Variants in HR observed in about 807,000 individuals in gnomAD.
The protein encoded by HR is lysine-specific demethylase hairless.
Under a neutral mutation model 128.6 loss-of-function variants are expected in HR, and 83 were observed. The observed-to-expected ratio is 0.65, with a 90% CI of 0.54 to 0.77. HR has a LOEUF of 0.77. Ranked by LOEUF, HR falls within the 30% of genes least tolerant of loss-of-function variation. The pLI is 0.00. For synonymous variants in HR, 681 were observed against 658.2 expected (o/e 1.03, Z -0.53); for missense variants, 1,490 against 1,574.6 (o/e 0.95, Z 0.91).
At chr8:22,117,398 A>C in intron 16 of HR, 1 of 267,456 alleles carries the variant, frequency 3.7e-6, no homozygotes, top group Non-Finnish European at 7.1e-6. Flanking sequence ...GTCCTGCATA[A>C]TCCCAGTTCA....
At chr8:22,117,078 G>A in intron 16 of HR, 39 bp from the exon 17 acceptor site, 1 of 1,457,294 alleles carries the variant, frequency 6.9e-7, no homozygotes, top group Non-Finnish European at 9.0e-7. Context: ...GATGGGGAGG[G>A]AAGGGCAGGG....
At chr8:22,121,822 A>G (rs1826763055) in intron 8 of HR, 128 bp from the exon 9 acceptor site, 4 of 911,060 alleles carry the variant, frequency 4.4e-6, no homozygotes, top group Non-Finnish European at 7.1e-6. Context: ...ATAGGAGCAA[A>G]ATGCCATAGG....
At position 22,127,120 on chromosome 8, in the gene HR, T is replaced by C. The variant is rs1826912842; in HGVS notation, c.1322A>G (p.Gln441Arg). 2 of 1,611,188 alleles carry C rather than the reference T, an allele frequency of 1.2e-6. No individual in the cohort carries two copies. Among genetic ancestry groups the C allele is most frequent in the African/African-American group, 1.3e-5 (1 of 74,866 alleles). ...CACCTCCTGCCAACCCCCAGCCCCCTGTTCTGCAGTGCCTGGAAAAGGGTC... is the reference window on the plus strand; with the variant it reads ...CACCTCCTGCCAACCCCCAGCCCCCCGTTCTGCAGTGCCTGGAAAAGGGTC... ...PPDPFPGTAEQGAGGWQEVRD... is the reference protein window; with the variant it reads ...PPDPFPGTAERGAGGWQEVRD... Residue 441 changes from glutamine to arginine, a missense_variant, in exon 3 of 19, where the codon CAG becomes CGG. Gln to Arg is a conservative substitution (Grantham distance 43). Transcript: ENST00000381418.
At chr8:22,120,533 T>C (rs755280580) in intron 11 of HR, 26 bp from the exon 12 acceptor site, 1 of 1,612,752 alleles carries the variant, frequency 6.2e-7, no homozygotes, top group Non-Finnish European at 8.5e-7. Context: ...AAGGAGGCCA[T>C]GAGGAGAATG....
At position 22,120,099 on chromosome 8, in the gene HR, C is replaced by G. The variant is rs1323297785; in HGVS notation, c.2846+5G>C. On this transcript the variant is annotated splice_donor_5th_base_variant and intron_variant, in intron 13 of 18. Coordinates refer to ENST00000381418, the MANE Select transcript of HR (RefSeq NM_005144.5). ...GGTAGGGCTGGCCCTTGGTGACATA[C>G]ACACCTGCTGGTGTCCTCATCCCCC... 6.3e-7 allele frequency: 1 copy of G among 1,583,602 alleles called. No individual in the cohort carries two copies. Among genetic ancestry groups the G allele is most frequent in the South Asian group, 1.2e-5 (1 of 86,878 alleles).
At position 22,127,187 on chromosome 8, in the gene HR, C is replaced by T. The variant is rs200451373; in HGVS notation, c.1255G>A (p.Val419Ile). 49 of 1,612,976 alleles carry T rather than the reference C, an allele frequency of 3.0e-5. 1 individual carries two copies. In the Admixed American group the frequency reaches 6.7e-4, roughly 22 times the overall value. ...RALKRAGSPE[V>I]QGAMGSPAPK... ...GCTGGACTGCCCATTGCTCCCTGGACCTCGGGGCTGCCTGCCCTTTTGAGG... is the reference window on the plus strand; with the variant it reads ...GCTGGACTGCCCATTGCTCCCTGGATCTCGGGGCTGCCTGCCCTTTTGAGG... Residue 419 changes from valine to isoleucine, a missense_variant, in exon 3 of 19, where the codon GTC (valine) becomes ATC (isoleucine). Val to Ile is a conservative substitution (Grantham distance 29). Around this residue, in one of 3 missense-constraint regions of HR, gnomAD observed 1,060 missense variants for 1,060.9 expected, o/e 1.00. Coordinates refer to ENST00000381418, the MANE Select transcript of HR (RefSeq NM_005144.5).
rs530444427 is a variant in HR at position 22,123,549 on chromosome 8, G to C, written c.1915+100C>G. On this transcript the variant is annotated intron_variant, in intron 6 of 18. Transcript: ENST00000381418. ...TGAGGCTGGGGCTGTGCAGTGGGTA[G>C]GGGGCTTTTTGGGGAGAGGCAGCCA... is the stretch of plus-strand genomic sequence containing the variant. 8.4e-6 allele frequency: 10 copies of C among 1,195,530 alleles called. No homozygotes were observed. The African/African-American group carries it at 1.3e-4, about 16-fold the overall frequency. 74.1% of individuals were successfully genotyped at this position (1,195,530 alleles called of 1,614,324 possible).
At position 22,120,433 on chromosome 8, in the gene HR, T is replaced by C. The variant is rs1826712263; in HGVS notation, c.2685A>G (p.Gly895=). 7 of 1,613,868 alleles carry C rather than the reference T, an allele frequency of 4.3e-6. No individual in the cohort carries two copies. The highest frequency in any genetic ancestry group is 1.7e-5 in the Admixed American group (1 of 60,010). ...LWGTEALGAL[G]GQVQALSPLG... ...GGGGGCTCAGCGCCTGCACCTGGCCTCCAAGTGCCCCAAGAGCTTCTGTCC... is the reference window on the plus strand; with the variant it reads ...GGGGGCTCAGCGCCTGCACCTGGCCCCCAAGTGCCCCAAGAGCTTCTGTCC... Residue 895 remains glycine (G), a synonymous_variant, in exon 12 of 19, where the codon GGA becomes GGG. Transcript: ENST00000381418.
intron 11 of HR, 68 bp from the exon 12 acceptor site, chr8:22,120,575 G>C: frequency 1.9e-6 from 3 of 1,602,082 alleles, no homozygotes; most frequent in Non-Finnish European, 2.5e-6. Flanking sequence ...AGGCAAGGGC[G>C]TGTTGTAAGG....
At position 22,125,237 on chromosome 8, in the gene HR, G is replaced by C. The variant is rs552200117; in HGVS notation, c.1750+74C>G. On this transcript the variant is annotated intron_variant, in intron 5 of 18. Transcript: ENST00000381418. ...CCTTAGGTCTAGGAGCTGGCAGTGTGGGTGGGGTCAGGGGAGGGACACCTG... is the reference window on the plus strand; with the variant it reads ...CCTTAGGTCTAGGAGCTGGCAGTGTCGGTGGGGTCAGGGGAGGGACACCTG... The C allele has an allele frequency of 4.9e-5, 72 of 1,463,558 alleles. No homozygotes were observed. In the African/African-American group the frequency reaches 9.7e-4, roughly 20 times the overall value. The allele number at this position is 1,463,558 out of a possible 1,614,324, so 90.7% of individuals were successfully genotyped here. A position where few individuals can be genotyped will look rare whatever the true frequency, so the allele number is the denominator to read the frequency against.
At chr8:22,117,318 C>T (rs1353908658) in intron 16 of HR, 2 of 444,278 alleles carry the variant, frequency 4.5e-6, no homozygotes, top group Admixed American at 3.9e-5. Context: ...AGGCCTTTAA[C>T]AGCCTCTGTG....
intron 8 of HR, among the ~76,000 whole-genome samples, chr8:22,122,026 G>A (rs1826767372): frequency 6.6e-6 from 1 of 152,094 alleles, no homozygotes. Flanking sequence ...ACAGTGTCTG[G>A]AACCCAAAAT....
Position 22,116,930 on chromosome 8 carries a change from G to T in HR, c.3323C>A (p.Thr1108Asn). Reference sequence around the variant, plus strand: ...GGCCTCTCCGGGGGCCTGGAGCAGGGTCCAGCAGCTCACGCCCCACTCCTC... The same window carrying T: ...GGCCTCTCCGGGGGCCTGGAGCAGGTTCCAGCAGCTCACGCCCCACTCCTC... ...LREEWGVSCW[T>N]LLQAPGEAVL... Residue 1108 changes from threonine (T) to asparagine (N), a missense_variant, in exon 17 of 19, where the codon ACC becomes AAC. Thr to Asn is a moderately conservative substitution (Grantham distance 65, BLOSUM62 0). Coordinates refer to ENST00000381418, the MANE Select transcript of HR (RefSeq NM_005144.5). The surrounding 1 kb of genome is among the most constrained non-coding windows in gnomAD (Gnocchi z 4.2). 6.4e-7 allele frequency: 1 copy of T among 1,552,064 alleles called. No homozygotes were observed.
At chr8:22,126,844 G>T (rs1826904173) in intron 3 of HR, among the ~76,000 whole-genome samples, 193 bp downstream of exon 3, 1 of 152,228 alleles carries the variant, frequency 6.6e-6, no homozygotes, top group Non-Finnish European at 1.5e-5. Context: ...AGGAGACAGA[G>T]GTAGAAGATA....
chr8:22,124,884 T>G (rs747182418), intron 5 of HR, among the ~76,000 whole-genome samples: 2 of 152,086 alleles, frequency 1.3e-5, no homozygotes, highest in Non-Finnish European at 2.9e-5. Context: ...CTGGCCTGTC[T>G]GGGGCAAGAG....
intron 6 of HR, 33 bp downstream of exon 6, chr8:22,123,616 A>AGGGGGGGGGC: frequency 1.6e-5 from 9 of 562,346 alleles, no homozygotes; most frequent in South Asian, 2.2e-5. Context: ...TGAGGGCTCC[A>AGGGGGGGGGC]TCCCGCCCTC....
At chr8:22,125,043 C>T (rs1586381120) in intron 5 of HR, among the ~76,000 whole-genome samples, 1 of 152,212 alleles carries the variant, frequency 6.6e-6, no homozygotes, top group Non-Finnish European at 1.5e-5. Context: ...CCGGGAGCTT[C>T]GCCTGACCCC....
intron 16 of HR, chr8:22,118,570 C>T (rs901039640): frequency 3.4e-6 from 1 of 292,104 alleles, no homozygotes. Context: ...CAGATCCCAG[C>T]CCTGCCACTG....
At position 22,125,484 on chromosome 8, in the gene HR, A is replaced by G. The variant is rs56140348; in HGVS notation, c.1577T>C (p.Leu526Pro). 186,659 of 1,613,178 alleles carry G rather than the reference A, an allele frequency of 0.12. 14,576 individuals are homozygous for G. The highest frequency in any genetic ancestry group is 0.39 in the African/African-American group (29,037 of 75,008). The change falls in exon 5 of 19, where the codon CTG becomes CCG. Residue 526 changes from leucine (L) to proline (P), a missense_variant. Around this residue, in one of 3 missense-constraint regions of HR, gnomAD observed 1,060 missense variants for 1,060.9 expected, o/e 1.00. Transcript: ENST00000381418. ...QVRRSPLGGE[L>P]QQEEDTATNS... ...GGTGGCTGTGTCTTCCTCCTGCTGCAGCTCCCCTCCCAGAGGCGATCTGGA... is the reference window on the plus strand; with the variant it reads ...GGTGGCTGTGTCTTCCTCCTGCTGCGGCTCCCCTCCCAGAGGCGATCTGGA...
Sources: allele counts gnomAD v4.1 joint callset (sites outside exome capture counted in the v4.1 genomes callset), GRCh38; gene constraint gnomAD v4.1.1; regional missense constraint gnomAD v4.1.1; non-coding constraint Gnocchi (gnomAD v3.1); transcripts MANE v1.5; gene names NCBI Gene and HGNC (gene_info 2026-07-23, HGNC 2026-07-21).